PCBP3: variants seen among roughly 807,000 people sequenced by gnomAD.
PCBP3 encodes poly(rC)-binding protein 3.
A neutral mutation model predicts 52.7 loss-of-function variants in PCBP3; 25 were observed. That is an observed-to-expected ratio of 0.47 (90% CI 0.35 to 0.66). PCBP3 has a LOEUF of 0.66. Among genes scored for constraint, PCBP3 ranks in the 30% least tolerant of loss-of-function variants. PCBP3 has a pLI of 0.01. For synonymous variants in PCBP3, 162 were observed against 183.0 expected, an observed-to-expected ratio of 0.89 and a Z score of 0.93; for missense variants, 391 against 490.3, an observed-to-expected ratio of 0.80 and a Z score of 1.91.
chr21:45,762,344 G>C (rs1336639493), intron 4 of PCBP3: 1 of 152,440 alleles, frequency 6.6e-6, no homozygotes, highest in African/African-American at 2.4e-5. Flanking sequence ...GAGAGAGCAA[G>C]GAGGGGTCAC....
intron 4 of PCBP3, among the ~76,000 whole-genome samples, chr21:45,846,695 C>T (rs770841686): frequency 4.6e-5 from 7 of 152,202 alleles, no homozygotes; most frequent in Non-Finnish European, 1.0e-4. Flanking sequence ...CTAGCAGATT[C>T]TTAACTCATA....
rs867707489 is a variant in PCBP3 at position 45,766,210 on chromosome 21, G to A, written c.-126+10758G>A. On this transcript the variant is annotated intron_variant, in intron 4 of 17. Transcript: ENST00000681687. The stretch of plus-strand genomic sequence containing the variant: ...ACTGGCCGCTGGAGTGGCTGGCCAC[G>A]CTTTGATGTGTTGCTGTGCCTCACA... 2.6e-5 allele frequency among the ~76,000 whole-genome samples: 4 copies of A among 152,326 alleles called. No individual in the cohort carries two copies. In the Middle Eastern group the frequency reaches 0.01, roughly 389 times the overall value.
At position 45,724,298 on chromosome 21, in the gene PCBP3, A is replaced by G. The variant is rs1218073685; in HGVS notation, c.-199-11094A>G. 6.6e-6 allele frequency among the ~76,000 whole-genome samples: 1 copy of G among 152,008 alleles called. No individual in the cohort carries two copies. Among genetic ancestry groups the G allele is most frequent in the Non-Finnish European group, 1.5e-5 (1 of 67,998 alleles). On this transcript the variant is annotated intron_variant, in intron 2 of 17. Transcript: ENST00000681687. This position sits in a 1 kb window ranked among gnomAD's most constrained non-coding sequence, Gnocchi z 5.3. ...GCATTTCCAGGGGTGTCCAGCTGTG[A>G]CCCACCCCGCCCCCTCCCGGTGTTA...
intron 5 of PCBP3, among the ~76,000 whole-genome samples, chr21:45,865,369 C>T (rs1207321907): frequency 6.6e-6 from 1 of 152,212 alleles, no homozygotes; most frequent in African/African-American, 2.4e-5. Context: ...CCGCTATCTC[C>T]AGGAACAAAG....
rs1406707047 is a variant in PCBP3, at chr21:45,791,436, CAG to C, written c.-126+35989_-126+35990del. 4.0e-5 allele frequency among the ~76,000 whole-genome samples: 6 copies of C among 151,576 alleles called. No individual in the cohort carries two copies. The highest frequency in any genetic ancestry group is 9.7e-5 in the African/African-American group (4 of 41,270). ...CTCCAGAGTCTAGGCACGGAATTGACAGAGAGTGAGACTTTAATAGGGTGTGG... is the reference window on the plus strand; with the variant it reads ...CTCCAGAGTCTAGGCACGGAATTGACAGAGTGAGACTTTAATAGGGTGTGG... On this transcript the variant is annotated intron_variant, in intron 4 of 17. Coordinates refer to ENST00000681687, the MANE Select transcript of PCBP3 (RefSeq NM_001384156.1). The surrounding 1 kb of genome is among the most constrained non-coding windows in gnomAD (Gnocchi z 4.2).
rs2095911793 is a variant in PCBP3, at chr21:45,898,593, C to CCT, written c.166-1005_166-1004insTC. On this transcript the variant is annotated intron_variant, in intron 6 of 17. Coordinates refer to ENST00000681687, the MANE Select transcript of PCBP3 (RefSeq NM_001384156.1). ...CCATCCTCACAGCCTCCCTCTCCCT[C>CCT]CACGGGCCCCTCTACACACCGTCCT... Among the ~76,000 whole-genome samples the CCT allele has an allele frequency of 1.8e-4, 25 of 140,696 alleles. 1 individual carries two copies. Among genetic ancestry groups the CCT allele is most frequent in the East Asian group, 7.5e-4 (3 of 3,994 alleles). The allele number at this position is 140,696 out of a possible 152,430, so 92.3% of individuals were successfully genotyped here. A position where few individuals can be genotyped will look rare whatever the true frequency, so the allele number is the denominator to read the frequency against.
chr21:45,698,905 C>T (rs1014145234), intron 2 of PCBP3, among the ~76,000 whole-genome samples: 2 of 152,194 alleles, frequency 1.3e-5, no homozygotes, highest in African/African-American at 4.8e-5. Context: ...TCTTGCTTCA[C>T]GGCAGGGGCA....
intron 5 of PCBP3, among the ~76,000 whole-genome samples, chr21:45,895,349 AG>A (rs1168448831): frequency 6.6e-6 from 1 of 152,132 alleles, no homozygotes; most frequent in Non-Finnish European, 1.5e-5. Flanking sequence ...GCAGCTTCAC[AG>A]GTTTCTGTTC....
At chr21:45,859,170 G>A (rs890070253) in intron 5 of PCBP3, among the ~76,000 whole-genome samples, 4 of 152,208 alleles carry the variant, frequency 2.6e-5, no homozygotes, top group African/African-American at 9.7e-5. Context: ...CTTTGCTGGT[G>A]TCACCGTCCT....
At chr21:45,715,905 T>C (rs906725293) in intron 2 of PCBP3, among the ~76,000 whole-genome samples, 1 of 152,172 alleles carries the variant, frequency 6.6e-6, no homozygotes, top group Non-Finnish European at 1.5e-5. Flanking sequence ...TGCCAAATTT[T>C]CCCCTTGTTC....
intron 5 of PCBP3, among the ~76,000 whole-genome samples, chr21:45,893,011 A>T (rs8133743): frequency 0.46 from 70,348 of 151,668 alleles, 17,999 homozygotes; most frequent in African/African-American, 0.69. Context: ...GGAGCCGATA[A>T]TAACAGGGAA....
intron 1 of PCBP3, among the ~76,000 whole-genome samples, chr21:45,650,550 G>A (rs180789644): frequency 6.6e-6 from 1 of 152,136 alleles, no homozygotes; most frequent in East Asian, 1.9e-4. Flanking sequence ...TCCTGGACTC[G>A]AGTGATCTTC....
At chr21:45,649,426 AGTCTAC>A (rs1347228217) in intron 1 of PCBP3, among the ~76,000 whole-genome samples, 2 of 152,216 alleles carry the variant, frequency 1.3e-5, no homozygotes, top group African/African-American at 4.8e-5. Flanking sequence ...TGCTTTTTAT[AGTCTAC>A]TTAGAACTTA....
chr21:45,931,908 C>T (rs58523379), intron 15 of PCBP3, among the ~76,000 whole-genome samples: 2 of 133,058 alleles, frequency 1.5e-5, no homozygotes, highest in African/African-American at 5.8e-5. Context: ...CTGAGATGAA[C>T]AAACACCCGG....
At chr21:45,884,056 C>G (rs1346761219) in intron 5 of PCBP3, among the ~76,000 whole-genome samples, 1 of 152,114 alleles carries the variant, frequency 6.6e-6, no homozygotes. Context: ...ACCCCAGCCT[C>G]TCAAGCAGCT....
chr21:45,749,585 T>C (rs761931635), intron 3 of PCBP3: 12 of 152,102 alleles, frequency 7.9e-5, no homozygotes, highest in Non-Finnish European at 1.6e-4. Context: ...AAGGGAGGTG[T>C]TTGGGTTGCA....
chr21:45,648,183 ATGTT>A (rs1292137366), intron 1 of PCBP3, among the ~76,000 whole-genome samples: 1 of 152,226 alleles, frequency 6.6e-6, no homozygotes, highest in Non-Finnish European at 1.5e-5. Context: ...TGTAAGATAA[ATGTT>A]TGTTGTATTA....
chr21:45,646,103 C>CTGTGTGTGTG lies in PCBP3; in HGVS notation c.-279+2236_-279+2237insGTGTGTGTGT, dbSNP rs1269114772. ...TCTCTTTCTCTCTCTCTCTCTCTCT[C>CTGTGTGTGTG]TCTCTGTGTGTGTGTGTGTGTGTGT... is the stretch of plus-strand genomic sequence containing the variant. On this transcript the variant is annotated intron_variant, in intron 1 of 17. Transcript: ENST00000681687. Among the ~76,000 whole-genome samples, 15 of 77,004 alleles carry CTGTGTGTGTG rather than the reference C, an allele frequency of 1.9e-4. No individual in the cohort carries two copies. In the East Asian group the frequency reaches 2.7e-3, roughly 14 times the overall value. The allele number at this position is 77,004 out of a possible 152,430, so 50.5% of individuals were successfully genotyped here. A position where few individuals can be genotyped will look rare whatever the true frequency, so the allele number is the denominator to read the frequency against.
chr21:45,700,611 T>C (rs945292307), intron 2 of PCBP3, among the ~76,000 whole-genome samples: 7 of 152,094 alleles, frequency 4.6e-5, no homozygotes, highest in South Asian at 2.1e-4. Context: ...ACCTTTTTTT[T>C]CTCCACTGCG....
Sources: allele counts gnomAD v4.1 joint callset (sites outside exome capture counted in the v4.1 genomes callset), GRCh38; gene constraint gnomAD v4.1.1; non-coding constraint Gnocchi (gnomAD v3.1); transcripts MANE v1.5; gene names NCBI Gene and HGNC (gene_info 2026-07-23, HGNC 2026-07-21).